ADGRE5: variants seen among roughly 807,000 people sequenced by gnomAD.
The protein encoded by ADGRE5 is CD97 molecule.
A neutral mutation model predicts 100.3 loss-of-function variants in ADGRE5; 72 were observed. That is an observed-to-expected ratio of 0.72 (90% confidence interval 0.59 to 0.87). The LOEUF is 0.87. ADGRE5 is among the 40% of genes least tolerant of loss of function. ADGRE5 has a pLI of 0.00. For missense variants in ADGRE5, 959 were observed against 1,094.7 expected (o/e 0.88, Z 1.75); for synonymous variants, 439 against 447.8 (o/e 0.98, Z 0.25).
At chr19:14,383,026 G>T (rs1006603348) in intron 1 of ADGRE5, among the ~76,000 whole-genome samples, 1 of 151,314 alleles carries the variant, frequency 6.6e-6, no homozygotes, top group African/African-American at 2.4e-5. Flanking sequence ...ATGAGCCACC[G>T]CGCCCAGCCA....
At chr19:14,407,822 A>G in intron 18 of ADGRE5, 86 bp from the exon 19 acceptor site, 1 of 1,125,276 alleles carries the variant, frequency 8.9e-7, no homozygotes, top group South Asian at 1.3e-5. Context: ...AAACACCAAG[A>G]AGGTGGGGCT....
intron 1 of ADGRE5, among the ~76,000 whole-genome samples, chr19:14,382,455 T>C (rs1404845736): frequency 2.0e-5 from 3 of 152,194 alleles, no homozygotes; most frequent in Non-Finnish European, 2.9e-5. Context: ...GCGCCTCACT[T>C]TTCTCATCTA....
chr19:14,395,158 G>A (rs1180913792), intron 4 of ADGRE5, among the ~76,000 whole-genome samples: 3 of 152,050 alleles, frequency 2.0e-5, no homozygotes, highest in Non-Finnish European at 2.9e-5. Flanking sequence ...AAAATTAGCC[G>A]GGCGCAGTGG....
intron 4 of ADGRE5, 105 bp from the exon 5 acceptor site, chr19:14,396,237 A>C: frequency 6.2e-7 from 1 of 1,604,432 alleles, no homozygotes; most frequent in Non-Finnish European, 8.5e-7. Flanking sequence ...GGGAGGAGAC[A>C]GTGGTGCCTT....
chr19:14,406,609 T>C lies in ADGRE5; in HGVS notation c.2048+52T>C. Reference sequence around the variant, plus strand: ...GAAGGCGGGGTGCTGGGCCTGGGGCTCACAGGCAGTGCCACACACAATGTC... The same window carrying C: ...GAAGGCGGGGTGCTGGGCCTGGGGCCCACAGGCAGTGCCACACACAATGTC... On this transcript the variant is annotated intron_variant, in intron 15 of 19. Coordinates refer to ENST00000242786, the MANE Select transcript of ADGRE5 (RefSeq NM_078481.4). The surrounding 1 kb of genome is among the most constrained non-coding windows in gnomAD (Gnocchi z 6.0). The C allele has an allele frequency of 1.3e-6, 2 of 1,595,116 alleles. No individual in the cohort carries two copies. The highest frequency in any genetic ancestry group is 1.7e-6 in the Non-Finnish European group (2 of 1,163,508).
intron 4 of ADGRE5, 127 bp from the exon 5 acceptor site, chr19:14,396,215 T>A: frequency 6.4e-7 from 1 of 1,563,660 alleles, no homozygotes; most frequent in Non-Finnish European, 8.7e-7. Context: ...TGCCTCTGTG[T>A]GGATTGGAAA....
chr19:14,400,745 T>C (rs373137157), intron 9 of ADGRE5, among the ~76,000 whole-genome samples: 1 of 151,896 alleles, frequency 6.6e-6, no homozygotes, highest in Non-Finnish European at 1.5e-5. Context: ...TGAGCCAAGA[T>C]CGCGCCACTG....
chr19:14,385,018 T>TC (rs1473455610), intron 1 of ADGRE5, among the ~76,000 whole-genome samples: 3 of 139,910 alleles, frequency 2.1e-5, no homozygotes. Flanking sequence ...CTCTTTTTTT[T>TC]TTTTTTTTTT....
At chr19:14,386,303 C>G (rs1410159956) in intron 1 of ADGRE5, among the ~76,000 whole-genome samples, 1 of 139,022 alleles carries the variant, frequency 7.2e-6, no homozygotes, top group Non-Finnish European at 1.5e-5. Context: ...GGCGTGAACC[C>G]GGGAGGTGGA....
In ADGRE5 at chr19:14,407,923, C is replaced by CG; in HGVS notation, c.2394dup (p.Lys799GlufsTer88). The CG allele has an allele frequency of 6.2e-7, 1 of 1,614,028 alleles. No individual in the cohort carries two copies. The highest frequency in any genetic ancestry group is 8.5e-7 in the Non-Finnish European group (1 of 1,180,006). On this transcript the variant is annotated frameshift_variant, in exon 19 of 20. Coordinates refer to ENST00000242786, the MANE Select transcript of ADGRE5 (RefSeq NM_078481.4). LOFTEE classifies it high-confidence loss of function. ...GGGCCGGCAGGTTCGGGAAGAATAC[C>CG]GGAAGTGGGCCTGCCTAGTTGCTGG...
chr19:14,381,454 A>G lies in ADGRE5; in HGVS notation c.-70A>G, dbSNP rs549788944. On this transcript the variant is annotated 5_prime_UTR_variant, in exon 1 of 20. Transcript: ENST00000242786. ...CTCGGGACAGCCTGCACAGCTGCCT[A>G]GCCTGTGGAGACGGGACAGCCCTGT... The G allele has an allele frequency of 4.2e-4, 674 of 1,601,810 alleles. 4 individuals are homozygous for G. The African/African-American group carries it at 8.2e-3, about 19-fold the overall frequency.
At chr19:14,388,679 G>T (rs369836030) in intron 2 of ADGRE5, 23 bp from the exon 3 acceptor site, 3 of 1,611,436 alleles carry the variant, frequency 1.9e-6, no homozygotes, top group African/African-American at 2.7e-5. Flanking sequence ...CTCACCTTCT[G>T]ACCGTGCTCC....
intron 4 of ADGRE5, among the ~76,000 whole-genome samples, chr19:14,393,257 C>T (rs1975664928): frequency 6.6e-6 from 1 of 151,278 alleles, no homozygotes; most frequent in Non-Finnish European, 1.5e-5. Flanking sequence ...ACTCTATCAG[C>T]AATGGCTAAT....
At position 14,407,976 on chromosome 19, in the gene ADGRE5, C is replaced by T; in HGVS notation, c.2445C>T (p.Ser815=). 1 of 1,614,144 alleles carries T rather than the reference C, an allele frequency of 6.2e-7. No homozygotes were observed. Among genetic ancestry groups the T allele is most frequent in the Non-Finnish European group, 8.5e-7 (1 of 1,180,028 alleles). Residue 815 remains serine, a synonymous_variant, in exon 19 of 20, where the codon TCC becomes TCT. Transcript: ENST00000242786. ...AGGSKYSEFT[S]TTSGTGHNQT... is the part of the protein sequence containing the mutation. ...GGAGCAAGTACTCAGAATTCACCTC[C>T]ACCACGTCTGGCACTGGCCACAATC...
In ADGRE5 at chr19:14,401,242, G is replaced by A. The variant is rs1975996789; in HGVS notation, c.898-144G>A. The A allele has an allele frequency of 1.5e-6, 1 of 676,930 alleles. No individual in the cohort carries two copies. The highest frequency in any genetic ancestry group is 2.5e-6 in the Non-Finnish European group (1 of 404,158). 41.9% of individuals were successfully genotyped at this position (676,930 alleles called of 1,614,324 possible). A position where few individuals can be genotyped will look rare whatever the true frequency, so the allele number is the denominator to read the frequency against. ...CAGGCAAATACTCAATCCGTCGCTTGTTTTCTGGTTACTGCATCATCTCAG... is the reference window on the plus strand; with the variant it reads ...CAGGCAAATACTCAATCCGTCGCTTATTTTCTGGTTACTGCATCATCTCAG... On this transcript the variant is annotated intron_variant, in intron 9 of 19. Transcript: ENST00000242786. This position sits in a 1 kb window ranked among gnomAD's most constrained non-coding sequence, Gnocchi z 4.1.
chr19:14,388,480 C>G lies in ADGRE5; in HGVS notation c.53C>G (p.Ala18Gly), dbSNP rs1314253490. 12 of 1,601,386 alleles carry G rather than the reference C, an allele frequency of 7.5e-6. No homozygotes were observed. Among genetic ancestry groups the G allele is most frequent in the Non-Finnish European group, 1.0e-5 (12 of 1,173,046 alleles). ...AFCVWLTLPG[A>G]ETQDSRGCAR... ...TGTGTCTGGCTGACTCTGCCGGGAGCTGAAACCCAGGACTCCAGGGGTGAG... is the reference window on the plus strand; with the variant it reads ...TGTGTCTGGCTGACTCTGCCGGGAGGTGAAACCCAGGACTCCAGGGGTGAG... Residue 18 changes from alanine to glycine, a missense_variant, in exon 2 of 20, where the codon GCT (alanine) becomes GGT (glycine). Physicochemically the swap from Ala to Gly is moderately conservative, Grantham distance 60. Coordinates refer to ENST00000242786, the MANE Select transcript of ADGRE5 (RefSeq NM_078481.4).
intron 13 of ADGRE5, 23 bp from the exon 14 acceptor site, chr19:14,405,724 CT>C: frequency 6.3e-7 from 1 of 1,590,308 alleles, no homozygotes; most frequent in Non-Finnish European, 8.6e-7. Flanking sequence ...TGAAGGAACC[CT>C]GAGCACCCGG....
chr19:14,384,529 T>TG, intron 1 of ADGRE5, among the ~76,000 whole-genome samples: 1 of 152,262 alleles, frequency 6.6e-6, no homozygotes, highest in East Asian at 1.9e-4. Flanking sequence ...CCTGGATTAT[T>TG]GGGGTCCCCA....
chr19:14,406,590 G>A lies in ADGRE5; in HGVS notation c.2048+33G>A, dbSNP rs372469384. ...CAGCGAGATGGGGCAGGAGGAAGGC[G>A]GGGTGCTGGGCCTGGGGCTCACAGG... is the stretch of plus-strand genomic sequence containing the variant. On this transcript the variant is annotated intron_variant, in intron 15 of 19. Transcript: ENST00000242786. This position sits in a 1 kb window ranked among gnomAD's most constrained non-coding sequence, Gnocchi z 6.0. The A allele has an allele frequency of 1.7e-5, 28 of 1,604,326 alleles. No individual in the cohort carries two copies. The highest frequency in any genetic ancestry group is 3.3e-4 in the Middle Eastern group (2 of 6,072).
Sources: gnomAD v4.1 joint callset for allele counts (sites outside exome capture counted in the v4.1 genomes callset) on GRCh38, gnomAD v4.1.1 for gene constraint, Gnocchi (gnomAD v3.1) non-coding constraint, MANE v1.5 for transcripts, NCBI Gene and HGNC (gene_info 2026-07-23, HGNC 2026-07-21) for gene names.